SMYD3: variants seen among roughly 807,000 people sequenced by gnomAD.
SMYD3 encodes SET and MYND domain containing 3.
A neutral mutation model predicts 57.7 loss-of-function variants in SMYD3; 36 were observed. The observed-to-expected ratio is 0.62, with a 90% confidence interval of 0.48 to 0.82. The LOEUF (loss-of-function observed/expected upper bound fraction) is 0.82. SMYD3 is among the 40% of genes least tolerant of loss of function. The probability of loss-of-function intolerance (pLI) is 0.00; values close to 1 mark genes in which losing one functional copy is unlikely to be tolerated. For missense variants in SMYD3, 515 were observed against 538.8 expected (o/e 0.96, Z 0.44); for synonymous variants, 211 against 195.0 (o/e 1.08, Z -0.68).
intron 5 of SMYD3, among the ~76,000 whole-genome samples, chr1:246,146,812 G>A (rs967856476): frequency 3.9e-5 from 6 of 152,130 alleles, no homozygotes; most frequent in Admixed American, 1.3e-4. Flanking sequence ...GGGAAGGATG[G>A]CAGAAGAGAA....
chr1:245,929,957 C>T lies in SMYD3; in HGVS notation c.532-20G>A. The T allele has an allele frequency of 6.2e-7, 1 of 1,605,868 alleles. No individual in the cohort carries two copies. On this transcript the variant is annotated intron_variant, in intron 5 of 11. Coordinates refer to ENST00000490107, the MANE Select transcript of SMYD3 (RefSeq NM_001167740.2). Reference sequence around the variant, plus strand: ...GATCACCTGTAAACACAAGGGGAACCATCAGTATTACTAGAGTCACTTAAG... The same window carrying T: ...GATCACCTGTAAACACAAGGGGAACTATCAGTATTACTAGAGTCACTTAAG...
chr1:246,350,077 T>G (rs1435312048), intron 2 of SMYD3, among the ~76,000 whole-genome samples: 1 of 152,194 alleles, frequency 6.6e-6, no homozygotes, highest in Non-Finnish European at 1.5e-5. Context: ...TGGAGAAAGA[T>G]ATACCGTGCT....
rs530607282 is a variant in SMYD3 at position 246,188,077 on chromosome 1, A to C, written c.531+139124T>G. Among the ~76,000 whole-genome samples, 32 of 152,284 alleles carry C rather than the reference A, an allele frequency of 2.1e-4. No individual in the cohort carries two copies. In the East Asian group the frequency reaches 5.4e-3, roughly 26 times the overall value. ...TATCGATTTATTAATTTACAATAAAAAAACTAATGGGTGAAAGGACTGGAC... is the reference window on the plus strand; with the variant it reads ...TATCGATTTATTAATTTACAATAAACAAACTAATGGGTGAAAGGACTGGAC... On this transcript the variant is annotated intron_variant, in intron 5 of 11. Coordinates refer to ENST00000490107, the MANE Select transcript of SMYD3 (RefSeq NM_001167740.2).
chr1:246,119,188 AT>A (rs1198393220), intron 5 of SMYD3, among the ~76,000 whole-genome samples: 6 of 149,672 alleles, frequency 4.0e-5, no homozygotes, highest in Admixed American at 6.7e-5. Flanking sequence ...GCTTGGCTAA[AT>A]TTTTTTTTTA....
intron 5 of SMYD3, among the ~76,000 whole-genome samples, chr1:246,238,712 C>A (rs2063551030): frequency 6.6e-6 from 1 of 152,026 alleles, no homozygotes; most frequent in South Asian, 2.1e-4. Context: ...TTCTTGGATT[C>A]TTCTACCATT....
At chr1:245,757,741 G>A (rs898173064) in intron 11 of SMYD3, among the ~76,000 whole-genome samples, 5 of 152,206 alleles carry the variant, frequency 3.3e-5, no homozygotes, top group Middle Eastern at 3.4e-3. Flanking sequence ...TCATATATGC[G>A]AGGGTTTATT....
intron 5 of SMYD3, among the ~76,000 whole-genome samples, chr1:246,149,626 G>T (rs2061910876): frequency 6.6e-6 from 1 of 152,162 alleles, no homozygotes; most frequent in Non-Finnish European, 1.5e-5. Flanking sequence ...TCAAAAGCCG[G>T]AAGCATTATT....
At chr1:246,024,386 G>C (rs1207908129) in intron 5 of SMYD3, among the ~76,000 whole-genome samples, 49 of 84,612 alleles carry the variant, frequency 5.8e-4, no homozygotes, top group East Asian at 1.1e-3. Flanking sequence ...GGAGATACAG[G>C]AAGTGGACAG....
intron 1 of SMYD3, among the ~76,000 whole-genome samples, chr1:246,437,740 T>TA (rs1382311427): frequency 1.3e-5 from 2 of 152,226 alleles, no homozygotes; most frequent in African/African-American, 4.8e-5. Context: ...TCTTAAAACT[T>TA]AGAGTTTTGA....
At chr1:246,284,623 A>G (rs534446033) in intron 5 of SMYD3, among the ~76,000 whole-genome samples, 15 of 151,974 alleles carry the variant, frequency 9.9e-5, no homozygotes, top group African/African-American at 2.9e-4. Context: ...TCACCATGTT[A>G]GCCAAGATGG....
chr1:246,272,671 C>T (rs1263315784), intron 5 of SMYD3, among the ~76,000 whole-genome samples: 1 of 152,038 alleles, frequency 6.6e-6, no homozygotes, highest in Non-Finnish European at 1.5e-5. Flanking sequence ...TAATATGCTG[C>T]TAAATTTGGT....
In SMYD3 at chr1:246,315,399, A is replaced by G. The variant is rs1572370198; in HGVS notation, c.531+11802T>C. Among the ~76,000 whole-genome samples the G allele has an allele frequency of 2.6e-5, 4 of 152,330 alleles. No individual in the cohort carries two copies. The South Asian group carries it at 8.3e-4, about 32-fold the overall frequency. On this transcript the variant is annotated intron_variant, in intron 5 of 11. Coordinates refer to ENST00000490107, the MANE Select transcript of SMYD3 (RefSeq NM_001167740.2). Reference sequence around the variant, plus strand: ...TAGATTTCACCAAAGATCTGAGTAGAAACCTTAAGAATAAGCAGGACCTCA... The same window carrying G: ...TAGATTTCACCAAAGATCTGAGTAGGAACCTTAAGAATAAGCAGGACCTCA...
chr1:246,221,527 T>A (rs1467577821), intron 5 of SMYD3, among the ~76,000 whole-genome samples: 1 of 152,220 alleles, frequency 6.6e-6, no homozygotes, highest in Admixed American at 6.5e-5. Flanking sequence ...GCCAGGGCTG[T>A]GAGCCCTTCT....
intron 1 of SMYD3, among the ~76,000 whole-genome samples, chr1:246,440,403 C>T (rs2067444507): frequency 6.6e-6 from 1 of 150,404 alleles, no homozygotes; most frequent in South Asian, 2.1e-4. Context: ...TTCATCCTCA[C>T]AAACAGCCTG....
chr1:245,842,891 T>A (rs192914617), intron 10 of SMYD3, among the ~76,000 whole-genome samples: 1 of 152,264 alleles, frequency 6.6e-6, no homozygotes, highest in African/African-American at 2.4e-5. Flanking sequence ...TCTAATTTTT[T>A]GTAAGACAAG....
rs531093268 is a variant in SMYD3 at position 246,440,867 on chromosome 1, C to T, written c.164+66187G>A. Among the ~76,000 whole-genome samples, 21 of 152,220 alleles carry T rather than the reference C, an allele frequency of 1.4e-4. No individual in the cohort carries two copies. The South Asian group carries it at 3.7e-3, about 27-fold the overall frequency. ...TCTTTCTGAATGTCCTGGCATACCC[C>T]GTCTTTTGTATTTTCCTAAGAGGAA... On this transcript the variant is annotated intron_variant, in intron 1 of 11. Transcript: ENST00000490107.
At chr1:246,481,621 T>TATATATATATACACACACACACAC (rs1307881494) in intron 1 of SMYD3, among the ~76,000 whole-genome samples, 1 of 98,560 alleles carries the variant, frequency 1.0e-5, no homozygotes, top group African/African-American at 3.7e-5. Context: ...CATACATATA[T>TATATATATATACACACACACACAC]ACATACATAC....
chr1:245,942,304 G>C (rs1558518116), intron 5 of SMYD3, among the ~76,000 whole-genome samples: 1 of 151,996 alleles, frequency 6.6e-6, no homozygotes, highest in Non-Finnish European at 1.5e-5. Flanking sequence ...CAAATGGAAA[G>C]CAGAAAAAAA....
intron 8 of SMYD3, among the ~76,000 whole-genome samples, chr1:245,873,261 G>A (rs1038325585): frequency 3.3e-5 from 5 of 152,180 alleles, no homozygotes; most frequent in African/African-American, 1.2e-4. Flanking sequence ...ACATATAATG[G>A]GGATTAGATG....
Sources: allele counts gnomAD v4.1 joint callset (sites outside exome capture counted in the v4.1 genomes callset), GRCh38; gene constraint gnomAD v4.1.1; transcripts MANE v1.5; gene names NCBI Gene and HGNC (gene_info 2026-07-23, HGNC 2026-07-21).